Variants in PCDHGA1 observed in about 807,000 individuals in gnomAD.
PCDHGA1 encodes the protein protocadherin gamma-A1.
Under a neutral mutation model 58.0 loss-of-function variants are expected in PCDHGA1, and 32 were observed. The observed-to-expected ratio is 0.55, with a 90% CI of 0.42 to 0.74. PCDHGA1 has a LOEUF of 0.74. PCDHGA1 is among the 30% of genes least tolerant of loss of function. PCDHGA1 has a pLI of 0.00. For missense variants in PCDHGA1, 1,205 were observed against 1,182.3 expected, an observed-to-expected ratio of 1.02 and a Z score of -0.28; for synonymous variants, 498 against 501.1, an observed-to-expected ratio of 0.99 and a Z score of 0.08.
chr5:141,372,452 G>A (rs757526253), intron 1 of PCDHGA1: 14 of 1,613,920 alleles, frequency 8.7e-6, no homozygotes, highest in East Asian at 6.7e-5. Flanking sequence ...ACCCTCAGGC[G>A]GAGCTACAGT....
intron 1 of PCDHGA1, chr5:141,393,354 G>T: frequency 6.2e-7 from 1 of 1,613,944 alleles, no homozygotes; most frequent in African/African-American, 1.3e-5. Flanking sequence ...CTTCTCCCTG[G>T]ACGTGCAGAC....
chr5:141,347,570 T>A (rs1331675063), intron 1 of PCDHGA1, among the ~76,000 whole-genome samples: 1 of 152,094 alleles, frequency 6.6e-6, no homozygotes, highest in Non-Finnish European at 1.5e-5. Context: ...GTGGATCACT[T>A]GAAGTCAGGA....
chr5:141,437,223 C>G (rs555637738), intron 1 of PCDHGA1, among the ~76,000 whole-genome samples: 1 of 152,198 alleles, frequency 6.6e-6, no homozygotes, highest in Admixed American at 6.5e-5. Context: ...TGATTCCAGT[C>G]ATAAAATTAT....
chr5:141,355,412 G>A lies in PCDHGA1; in HGVS notation c.2421+22307G>A, dbSNP rs556932481. On this transcript the variant is annotated intron_variant, in intron 1 of 3. Coordinates refer to ENST00000517417, the MANE Select transcript of PCDHGA1 (RefSeq NM_018912.3). ...GGAGTCCGCATCGTCTCCAGAGGTA[G>A]GACGCAGCTTTTCGCCCTGAACCCG... is the stretch of plus-strand genomic sequence containing the variant. 188 of 1,614,112 alleles carry A rather than the reference G, an allele frequency of 1.2e-4. 2 individuals are homozygous for A. In the South Asian group the frequency reaches 2.0e-3, roughly 17 times the overall value.
At chr5:141,454,557 C>T (rs191373514) in intron 1 of PCDHGA1, among the ~76,000 whole-genome samples, 8 of 152,160 alleles carry the variant, frequency 5.3e-5, no homozygotes, top group Admixed American at 5.2e-4. Flanking sequence ...CAGGCATGTG[C>T]CACCACGCCC....
chr5:141,479,860 C>T (rs1374284598), intron 1 of PCDHGA1, among the ~76,000 whole-genome samples: 2 of 152,108 alleles, frequency 1.3e-5, no homozygotes, highest in Admixed American at 6.5e-5. Context: ...AAGGCCTTTG[C>T]CCTGGAGAGA....
At chr5:141,362,559 G>C (rs764539634) in intron 1 of PCDHGA1, 1 of 1,611,324 alleles carries the variant, frequency 6.2e-7, no homozygotes, top group South Asian at 1.1e-5. Context: ...TTTTGAAGGT[G>C]AGCTTTAATT....
rs2099405848 is a variant in PCDHGA1 at position 141,477,120 on chromosome 5, A to G, written c.2422-17687A>G. 2 of 1,614,118 alleles carry G rather than the reference A, an allele frequency of 1.2e-6. No homozygotes were observed. Among genetic ancestry groups the G allele is most frequent in the African/African-American group, 2.7e-5 (2 of 74,942 alleles). On this transcript the variant is annotated intron_variant, in intron 1 of 3. Transcript: ENST00000517417. This position sits in a 1 kb window ranked among gnomAD's most constrained non-coding sequence, Gnocchi z 4.9. ...AAGGGCGCCAATCCCGAAGGAGCAC[A>G]TTGCAAAGTGTTGGTGGAGGTTGTG...
chr5:141,376,507 G>A, intron 1 of PCDHGA1: 2 of 1,614,090 alleles, frequency 1.2e-6, no homozygotes, highest in Non-Finnish European at 1.7e-6. Flanking sequence ...GGCAACTTCA[G>A]GTGAGTTTCT....
intron 2 of PCDHGA1, among the ~76,000 whole-genome samples, chr5:141,505,066 G>A (rs1312509903): frequency 6.6e-6 from 1 of 152,190 alleles, no homozygotes; most frequent in Non-Finnish European, 1.5e-5. Flanking sequence ...GGAGACTGAG[G>A]CAGGAGAATC....
Position 141,511,201 on chromosome 5 carries a change from G to A in PCDHGA1, c.*28G>A, listed in dbSNP as rs2099883661. On this transcript the variant is annotated 3_prime_UTR_variant, in exon 4 of 4. Transcript: ENST00000517417. ...TGGAGGCCAGGCCAAGAGCCACAGG[G>A]CGGCCTCTCCCCAACCAGCCCAGCT... 2 of 1,612,600 alleles carry A rather than the reference G, an allele frequency of 1.2e-6. No homozygotes were observed. The highest frequency in any genetic ancestry group is 1.7e-6 in the Non-Finnish European group (2 of 1,179,344).
At chr5:141,355,077 C>A in intron 1 of PCDHGA1, 1 of 1,404,060 alleles carries the variant, frequency 7.1e-7, no homozygotes, top group Non-Finnish European at 9.5e-7. Flanking sequence ...ATGAAAGCTT[C>A]AAGCGGAAGC....
At chr5:141,341,667 T>A in intron 1 of PCDHGA1, 1 of 606,544 alleles carries the variant, frequency 1.6e-6, no homozygotes, top group Non-Finnish European at 2.8e-6. Context: ...GGGTGTCTGG[T>A]TTCTTATACT....
Position 141,408,922 on chromosome 5 carries a change from G to A in PCDHGA1, c.2421+75817G>A, listed in dbSNP as rs762449366. ...TCAAGGATACCAATGATAACCCCCC[G>A]GTTTTCAGCAGAGACGAATATAGAA... On this transcript the variant is annotated intron_variant, in intron 1 of 3. Coordinates refer to ENST00000517417, the MANE Select transcript of PCDHGA1 (RefSeq NM_018912.3). 3.7e-6 allele frequency: 6 copies of A among 1,613,104 alleles called. No homozygotes were observed. In the Admixed American group the frequency reaches 8.3e-5, roughly 22 times the overall value.
At chr5:141,351,202 T>A in intron 1 of PCDHGA1, 1 of 1,613,948 alleles carries the variant, frequency 6.2e-7, no homozygotes, top group Non-Finnish European at 8.5e-7. Flanking sequence ...ATGTGTTGAG[T>A]GTGGAAGCTA....
At chr5:141,409,109 A>G in intron 1 of PCDHGA1, 1 of 1,614,028 alleles carries the variant, frequency 6.2e-7, no homozygotes, top group Non-Finnish European at 8.5e-7. Context: ...TATGATTAAG[A>G]ATAACCAGTC....
intron 1 of PCDHGA1, chr5:141,345,225 A>G (rs1366450224): frequency 3.1e-6 from 5 of 1,613,856 alleles, no homozygotes; most frequent in East Asian, 2.2e-5. Context: ...AGAAAAATCA[A>G]TAGATCAATA....
chr5:141,456,275 G>A (rs1234663731), intron 1 of PCDHGA1, among the ~76,000 whole-genome samples: 1 of 152,142 alleles, frequency 6.6e-6, no homozygotes, highest in Non-Finnish European at 1.5e-5. Flanking sequence ...GCTACTTCCT[G>A]CTGAAAAGGG....
chr5:141,452,652 C>T (rs1420422511), intron 1 of PCDHGA1, among the ~76,000 whole-genome samples: 1 of 151,916 alleles, frequency 6.6e-6, no homozygotes. Flanking sequence ...TCATTTGCTC[C>T]ATCCACTGCA....
Sources: gnomAD v4.1 joint callset for allele counts (sites outside exome capture counted in the v4.1 genomes callset) on GRCh38, gnomAD v4.1.1 for gene constraint, Gnocchi (gnomAD v3.1) non-coding constraint, MANE v1.5 for transcripts, NCBI Gene and HGNC (gene_info 2026-07-23, HGNC 2026-07-21) for gene names.